USP8: variants seen among roughly 807,000 people sequenced by gnomAD.
USP8 encodes ubiquitin specific peptidase 8, also known as ubiquitin carboxyl-terminal hydrolase 8.
Under a neutral mutation model 130.0 loss-of-function variants are expected in USP8, and 27 were observed. The observed-to-expected ratio is 0.21, with a 90% confidence interval of 0.15 to 0.29. USP8 has a LOEUF of 0.29. USP8 is among the 10% of genes least tolerant of loss of function. USP8 has a pLI of 1.00. For missense variants in USP8, 1,029 were observed against 1,312.2 expected, an observed-to-expected ratio of 0.78 and a Z score of 3.33; for synonymous variants, 392 against 444.1, an observed-to-expected ratio of 0.88 and a Z score of 1.48.
At chr15:50,448,549 T>G (rs953503714) in intron 3 of USP8, among the ~76,000 whole-genome samples, 2 of 151,992 alleles carry the variant, frequency 1.3e-5, no homozygotes, top group African/African-American at 4.8e-5. Context: ...AGACAGAGTT[T>G]CGTTCTGTCG....
chr15:50,455,179 G>A (rs2050752396), intron 4 of USP8, among the ~76,000 whole-genome samples: 1 of 151,224 alleles, frequency 6.6e-6, no homozygotes, highest in Non-Finnish European at 1.5e-5. Flanking sequence ...GGCCTCAAGT[G>A]ATTCTCCCGC....
intron 7 of USP8, among the ~76,000 whole-genome samples, chr15:50,468,031 T>G (rs548830044): frequency 2.0e-5 from 3 of 151,084 alleles, no homozygotes; most frequent in Non-Finnish European, 2.9e-5. Flanking sequence ...ACCTCCCGGG[T>G]TCAAGAGATT....
intron 3 of USP8, among the ~76,000 whole-genome samples, chr15:50,444,356 T>G (rs1207564206): frequency 6.6e-6 from 1 of 151,344 alleles, no homozygotes; most frequent in African/African-American, 2.4e-5. Context: ...CCACCTACCT[T>G]GGCCTCCCAA....
intron 7 of USP8, among the ~76,000 whole-genome samples, chr15:50,470,570 A>ATGTCTGTG (rs1324083888): frequency 6.9e-6 from 1 of 145,720 alleles, no homozygotes. Flanking sequence ...TTGAGGGTGT[A>ATGTCTGTG]TGTCTGTGGC....
intron 7 of USP8, chr15:50,467,205 G>C (rs1377537235): frequency 5.8e-6 from 1 of 173,304 alleles, no homozygotes; most frequent in African/African-American, 2.4e-5. Context: ...AACAGACGAA[G>C]TTATAATTAG....
intron 1 of USP8, among the ~76,000 whole-genome samples, chr15:50,436,532 T>A (rs1187314901): frequency 2.0e-5 from 3 of 152,212 alleles, no homozygotes; most frequent in Non-Finnish European, 4.4e-5. Context: ...GGAATCTCAC[T>A]TTGTTGCCCA....
Position 50,500,576 on chromosome 15 carries a change from T to C in USP8, c.*1488T>C. Reference sequence around the variant, plus strand: ...AATGATGCAAGTAAGTTCTAAGAGTTTAATGACCAAGCAAAACTCTACCAC... The same window carrying C: ...AATGATGCAAGTAAGTTCTAAGAGTCTAATGACCAAGCAAAACTCTACCAC... On this transcript the variant is annotated 3_prime_UTR_variant, in exon 20 of 20. Transcript: ENST00000307179. 1 of 537,932 alleles carries C rather than the reference T, an allele frequency of 1.9e-6. No individual in the cohort carries two copies. The highest frequency in any genetic ancestry group is 3.1e-5 in the Admixed American group (1 of 32,246). 33.3% of individuals were successfully genotyped at this position (537,932 alleles called of 1,614,324 possible).
Position 50,490,289 on chromosome 15 carries a change from T to G in USP8, c.1998T>G (p.Phe666Leu). The G allele has an allele frequency of 6.2e-7, 1 of 1,613,802 alleles. No homozygotes were observed. Among genetic ancestry groups the G allele is most frequent in the Non-Finnish European group, 8.5e-7 (1 of 1,179,922 alleles). The change falls in exon 14 of 20, where the codon TTT becomes TTG. Residue 666 changes from phenylalanine to leucine, a missense_variant. By Grantham distance (22) the Phe-to-Leu change is conservative (BLOSUM62 0). Transcript: ENST00000307179. ...AKFLDPITGT[F>L]RYYHSPTNTV... The stretch of plus-strand genomic sequence containing the variant: ...TTCTTGACCCAATCACTGGAACCTT[T>G]CGTTATTATCATTCACCCACCAACA...
At chr15:50,427,956 C>T (rs1038722020) in intron 1 of USP8, among the ~76,000 whole-genome samples, 2 of 151,618 alleles carry the variant, frequency 1.3e-5, no homozygotes, top group African/African-American at 2.4e-5. Context: ...TTCCTGGGCT[C>T]AAGTGATCCT....
At chr15:50,498,235 G>A (rs2052489124) in intron 18 of USP8, 1 of 168,858 alleles carries the variant, frequency 5.9e-6, no homozygotes, top group African/African-American at 2.4e-5. Flanking sequence ...TGAAGTACAA[G>A]CTTGACTCGA....
chr15:50,493,214 A>G (rs1225543214), intron 15 of USP8: 23 of 510,876 alleles, frequency 4.5e-5, no homozygotes, highest in Non-Finnish European at 8.7e-5. Context: ...GGGAGCCCTC[A>G]TGGCCTTATC....
At chr15:50,462,380 G>C (rs1212637084) in intron 6 of USP8, 58 bp downstream of exon 6, 1 of 1,462,154 alleles carries the variant, frequency 6.8e-7, no homozygotes, top group Non-Finnish European at 9.3e-7. Context: ...CTTTTAATCA[G>C]AATAAGCATC....
rs182632086 is a variant in USP8, at chr15:50,503,883, A to G, written c.*4795A>G. 5 of 152,336 alleles carry G rather than the reference A, an allele frequency of 3.3e-5. No homozygotes were observed. The East Asian group carries it at 9.6e-4, about 29-fold the overall frequency. The allele number at this position is 152,336 out of a possible 1,614,324, so 9.4% of individuals were successfully genotyped here. Reference sequence around the variant, plus strand: ...AATTTATCATAAGAGTCAGAAGGCAATAAGATTTAAACCCCCAAGGACTTT... The same window carrying G: ...AATTTATCATAAGAGTCAGAAGGCAGTAAGATTTAAACCCCCAAGGACTTT... On this transcript the variant is annotated 3_prime_UTR_variant, in exon 20 of 20. Transcript: ENST00000307179.
In USP8 at chr15:50,512,814, A is replaced by C. The variant is rs1243911441; in HGVS notation, c.*13726A>C. The C allele has an allele frequency of 6.6e-6, 1 of 152,120 alleles. No individual in the cohort carries two copies. Among genetic ancestry groups the C allele is most frequent in the Non-Finnish European group, 1.5e-5 (1 of 68,062 alleles). The allele number at this position is 152,120 out of a possible 1,614,324, so 9.4% of individuals were successfully genotyped here. ...CTCAAAAACAAACAAAACAAAAACA[A>C]CAAAAAACACAACTGAACACATTTA... On this transcript the variant is annotated 3_prime_UTR_variant, in exon 20 of 20. Coordinates refer to ENST00000307179, the MANE Select transcript of USP8 (RefSeq NM_005154.5).
intron 12 of USP8, among the ~76,000 whole-genome samples, chr15:50,485,595 G>A (rs1286468996): frequency 2.8e-4 from 13 of 46,030 alleles, no homozygotes; most frequent in Non-Finnish European, 4.9e-4. Context: ...GTAATTTAGT[G>A]TTGTGAAACC....
intron 3 of USP8, 79 bp downstream of exon 3, chr15:50,441,572 G>A (rs1389665001): frequency 3.1e-6 from 4 of 1,278,320 alleles, no homozygotes; most frequent in Middle Eastern, 2.6e-4. Flanking sequence ...AAAATTTTAA[G>A]TAATAATGAA....
In USP8 at chr15:50,486,690, A is replaced by G. The variant is rs141166852; in HGVS notation, c.1890+2329A>G. Among the ~76,000 whole-genome samples the G allele has an allele frequency of 1.9e-4, 29 of 152,364 alleles. No individual in the cohort carries two copies. The East Asian group carries it at 5.4e-3, about 28-fold the overall frequency. On this transcript the variant is annotated intron_variant, in intron 12 of 19. Transcript: ENST00000307179. ...TGTTTAGATCTAAGATTAACTAAACATAACACATAACCCATTAAAACCATG... is the reference window on the plus strand; with the variant it reads ...TGTTTAGATCTAAGATTAACTAAACGTAACACATAACCCATTAAAACCATG...
chr15:50,469,065 A>T (rs977125485), intron 7 of USP8, among the ~76,000 whole-genome samples: 1 of 152,152 alleles, frequency 6.6e-6, no homozygotes, highest in Admixed American at 6.6e-5. Context: ...TCTGTCTTCT[A>T]TACCCAACCT....
chr15:50,470,411 G>A (rs2051336650), intron 7 of USP8, among the ~76,000 whole-genome samples: 1 of 152,118 alleles, frequency 6.6e-6, no homozygotes, highest in Admixed American at 6.6e-5. Flanking sequence ...AATGAGTGAT[G>A]CAGCTATCTG....
Sources: gnomAD v4.1 joint callset for allele counts (sites outside exome capture counted in the v4.1 genomes callset) on GRCh38, gnomAD v4.1.1 for gene constraint, MANE v1.5 for transcripts, NCBI Gene and HGNC (gene_info 2026-07-23, HGNC 2026-07-21) for gene names.